UGGT2: variants seen among roughly 807,000 people sequenced by gnomAD.
UGGT2 encodes UDP-glucose glycoprotein glucosyltransferase 2, also known as UDP-glucose:glycoprotein glucosyltransferase 2.
A neutral mutation model predicts 192.1 loss-of-function variants in UGGT2; 180 were observed. That is an observed-to-expected ratio of 0.94 (90% confidence interval 0.83 to 1.06). The LOEUF is 1.06. Among genes scored for constraint, UGGT2 ranks in the 50% least tolerant of loss-of-function variants. The pLI, the probability that UGGT2 is intolerant of heterozygous loss-of-function variation, is 0.00. For missense variants in UGGT2, 1,849 were observed against 1,795.7 expected (o/e 1.03, Z -0.54); for synonymous variants, 580 against 591.0 (o/e 0.98, Z 0.27).
intron 12 of UGGT2, among the ~76,000 whole-genome samples, chr13:95,960,922 C>G (rs1037616604): frequency 2.0e-5 from 3 of 152,062 alleles, no homozygotes. Context: ...GTTGAGGATA[C>G]TATACCCAGC....
At chr13:96,037,195 C>G (rs2053030103) in intron 1 of UGGT2, among the ~76,000 whole-genome samples, 1 of 152,062 alleles carries the variant, frequency 6.6e-6, no homozygotes, top group Non-Finnish European at 1.5e-5. Context: ...AAATGCTAGC[C>G]TCTTCAGCCT....
chr13:96,022,858 T>C (rs1233558074), intron 4 of UGGT2, among the ~76,000 whole-genome samples, 182 bp downstream of exon 4: 1 of 152,072 alleles, frequency 6.6e-6, no homozygotes, highest in Non-Finnish European at 1.5e-5. Context: ...ACAATTTATA[T>C]GCTAAAATCA....
At position 95,900,935 on chromosome 13, in the gene UGGT2, T is replaced by A. The variant is rs2048087806; in HGVS notation, c.2506A>T (p.Met836Leu). The A allele has an allele frequency of 6.3e-7, 1 of 1,584,502 alleles. No individual in the cohort carries two copies. The part of the protein sequence containing the change: ...DKIKTFLIEG[M>L]DKNAFEKKYN... ...TTTTTCTCAAAAGCATTCTTATCCA[T>A]CCCCTAAAGCAAAAGTTAAGACTGA... Residue 836 changes from methionine to leucine, a missense_variant, in exon 22 of 39, where the codon ATG (methionine) becomes TTG (leucine). Met to Leu is a conservative substitution (Grantham distance 15, BLOSUM62 2). Coordinates refer to ENST00000376747, the MANE Select transcript of UGGT2 (RefSeq NM_020121.4).
At chr13:95,918,143 A>G (rs2048735955) in intron 20 of UGGT2, among the ~76,000 whole-genome samples, 1 of 152,198 alleles carries the variant, frequency 6.6e-6, no homozygotes, top group Non-Finnish European at 1.5e-5. Flanking sequence ...TGGAAGTAAA[A>G]CGTTCCTCAG....
chr13:96,031,978 A>G lies in UGGT2; in HGVS notation c.159-7T>C. 1.3e-6 allele frequency: 2 copies of G among 1,596,952 alleles called. No homozygotes were observed. Among genetic ancestry groups the G allele is most frequent in the South Asian group, 1.1e-5 (1 of 89,796 alleles). On this transcript the variant is annotated splice_region_variant and splice_polypyrimidine_tract_variant and intron_variant, in intron 1 of 38. Transcript: ENST00000376747. Reference sequence around the variant, plus strand: ...TTCTTCTGCCATAAATTCACTATTAAAAAAATAGAAGTAATCGGTTAGTAG... The same window carrying G: ...TTCTTCTGCCATAAATTCACTATTAGAAAAATAGAAGTAATCGGTTAGTAG...
At chr13:95,861,575 T>C (rs767488499) in intron 31 of UGGT2, among the ~76,000 whole-genome samples, 35 of 152,190 alleles carry the variant, frequency 2.3e-4, no homozygotes, top group African/African-American at 8.0e-4. Context: ...ATTTCATATA[T>C]AAAAATGACT....
intron 4 of UGGT2, among the ~76,000 whole-genome samples, chr13:96,021,114 C>G (rs1020905444): frequency 8.5e-5 from 13 of 152,170 alleles, no homozygotes; most frequent in Non-Finnish European, 2.9e-5. Flanking sequence ...TGCTCCCTGT[C>G]CCCAATCCCA....
At chr13:95,853,443 G>A in intron 36 of UGGT2, 100 bp downstream of exon 36, 1 of 851,026 alleles carries the variant, frequency 1.2e-6, no homozygotes, top group South Asian at 2.0e-5. Flanking sequence ...GCAGTAAATT[G>A]AGAAAAAACT....
chr13:96,029,159 A>G (rs1352983066), intron 2 of UGGT2, among the ~76,000 whole-genome samples: 2 of 152,170 alleles, frequency 1.3e-5, no homozygotes, highest in Admixed American at 6.6e-5. Context: ...TCAAAAAAAA[A>G]TCTCTGCTCA....
chr13:95,867,123 T>C (rs1890739963), intron 30 of UGGT2, among the ~76,000 whole-genome samples: 2 of 152,100 alleles, frequency 1.3e-5, no homozygotes, highest in Non-Finnish European at 2.9e-5. Context: ...TTTACAGTTA[T>C]CATAATGTAA....
chr13:95,985,956 G>A (rs1411854734), intron 9 of UGGT2, among the ~76,000 whole-genome samples: 2 of 152,058 alleles, frequency 1.3e-5, no homozygotes, highest in Admixed American at 6.6e-5. Context: ...CAGTACTTTG[G>A]GCATAGACCT....
chr13:95,928,684 G>A (rs550160012), intron 17 of UGGT2, among the ~76,000 whole-genome samples: 13 of 152,078 alleles, frequency 8.5e-5, no homozygotes, highest in Admixed American at 5.9e-4. Flanking sequence ...GATGACGGCC[G>A]GGAAGAGGTG....
intron 23 of UGGT2, 121 bp from the exon 24 acceptor site, chr13:95,894,778 C>T: frequency 1.3e-6 from 1 of 749,268 alleles, no homozygotes. Context: ...CCAAAGTAGA[C>T]TGCAAAGGGA....
intron 1 of UGGT2, among the ~76,000 whole-genome samples, chr13:96,044,105 C>T (rs1048718584): frequency 3.3e-5 from 5 of 152,044 alleles, no homozygotes; most frequent in Admixed American, 6.6e-5. Context: ...CAAGGTAGAC[C>T]ACTGATAGGC....
chr13:95,963,401 A>C (rs1323498439), intron 12 of UGGT2, among the ~76,000 whole-genome samples: 2 of 152,190 alleles, frequency 1.3e-5, no homozygotes, highest in African/African-American at 2.4e-5. Flanking sequence ...AATATACCTT[A>C]GCATAATATA....
At chr13:96,023,241 C>T in intron 3 of UGGT2, 89 bp from the exon 4 acceptor site, 1 of 1,045,414 alleles carries the variant, frequency 9.6e-7, no homozygotes, top group Non-Finnish European at 1.3e-6. Context: ...ATTAAAATAA[C>T]TCATCAACTA....
intron 12 of UGGT2, 106 bp downstream of exon 12, chr13:95,970,006 T>C: frequency 8.4e-7 from 1 of 1,187,562 alleles, no homozygotes; most frequent in Non-Finnish European, 1.2e-6. Flanking sequence ...CACTGAGAAC[T>C]GTTCCAAAAT....
At chr13:95,888,038 A>C (rs1566641262) in intron 25 of UGGT2, 67 bp from the exon 26 acceptor site, 5 of 1,095,690 alleles carry the variant, frequency 4.6e-6, no homozygotes, top group Non-Finnish European at 1.3e-6. Context: ...TTATGTATTT[A>C]CTATGTACCA....
intron 20 of UGGT2, among the ~76,000 whole-genome samples, chr13:95,908,895 G>C (rs7337983): frequency 0.34 from 41,812 of 122,810 alleles, 7,202 homozygotes; most frequent in Middle Eastern, 0.41. Flanking sequence ...CATTTTGTAG[G>C]TTGCCTGTTC....
Sources: gnomAD v4.1 joint callset for allele counts (sites outside exome capture counted in the v4.1 genomes callset) on GRCh38, gnomAD v4.1.1 for gene constraint, MANE v1.5 for transcripts, NCBI Gene and HGNC (gene_info 2026-07-23, HGNC 2026-07-21) for gene names.